The following GTF3C1 variants were observed in gnomAD, a reference collection of about 807,000 sequenced individuals.
GTF3C1 encodes general transcription factor IIIC subunit 1.
Under a neutral mutation model 226.7 loss-of-function variants are expected in GTF3C1, and 57 were observed. The observed-to-expected ratio is 0.25, with a 90% CI of 0.20 to 0.31. The LOEUF (loss-of-function observed/expected upper bound fraction) is 0.31, where lower values mean the gene tolerates loss of function less well. Among genes scored for constraint, GTF3C1 ranks in the 10% least tolerant of loss-of-function variants. The pLI is 1.00. For synonymous variants in GTF3C1, 1,090 were observed against 1,084.8 expected (o/e 1.00, Z -0.09); for missense variants, 2,217 against 2,776.1 (o/e 0.80, Z 4.53).
At chr16:27,511,986 C>T (rs878897468) in intron 6 of GTF3C1, 85 bp from the exon 7 acceptor site, 4 of 1,454,970 alleles carry the variant, frequency 2.7e-6, no homozygotes, top group South Asian at 1.2e-5. Flanking sequence ...TATCACAGCA[C>T]ATGTCAGCAG....
Position 27,497,654 on chromosome 16 carries a change from T to C in GTF3C1, c.2333A>G (p.Asn778Ser). 6.2e-7 allele frequency: 1 copy of C among 1,613,418 alleles called. No homozygotes were observed. The highest frequency in any genetic ancestry group is 8.5e-7 in the Non-Finnish European group (1 of 1,179,536). The change falls in exon 14 of 37, where the codon AAT becomes AGT. Residue 778 changes from asparagine (N) to serine (S), a missense_variant. By Grantham distance (46) the Asn-to-Ser change is conservative (BLOSUM62 1). Around this residue, in one of 12 missense-constraint regions of GTF3C1, gnomAD observed 100 missense variants for 139.9 expected, o/e 0.71. Coordinates refer to ENST00000356183, the MANE Select transcript of GTF3C1 (RefSeq NM_001520.4). ...DNKMGITPLRNYHPIVVPGLG... is the reference protein window; with the variant it reads ...DNKMGITPLRSYHPIVVPGLG... ...CAGCTTACCTACAATGGGGTGATAA[T>C]TTCTAAGCGGGGTTATGCCCATTTT...
intron 11 of GTF3C1, among the ~76,000 whole-genome samples, chr16:27,502,565 G>A (rs2088422347): frequency 6.6e-6 from 1 of 152,192 alleles, no homozygotes; most frequent in African/African-American, 2.4e-5. Flanking sequence ...GTAAGGAAAA[G>A]CTGAACGCAC....
chr16:27,527,921 C>A lies in GTF3C1; in HGVS notation c.973+677G>T, dbSNP rs145456982. On this transcript the variant is annotated intron_variant, in intron 6 of 36. Transcript: ENST00000356183. ...CCCAGGAAGTGGAGATTTCAGTGAG[C>A]TGAGATGATGCCACTGCACACCAGC... is the stretch of plus-strand genomic sequence containing the variant. Among the ~76,000 whole-genome samples the A allele has an allele frequency of 2.4e-3, 366 of 151,316 alleles. 2 individuals are homozygous for A. The highest frequency in any genetic ancestry group is 3.9e-3 in the Non-Finnish European group (262 of 67,912).
At chr16:27,478,851 CAAAAAA>C (rs770105315) in intron 27 of GTF3C1, among the ~76,000 whole-genome samples, 1 of 80,404 alleles carries the variant, frequency 1.2e-5, no homozygotes, top group Non-Finnish European at 2.6e-5. Flanking sequence ...TGTTACAATC[CAAAAAA>C]AAAAAAAAAG....
At chr16:27,538,007 A>C in intron 3 of GTF3C1, 80 bp from the exon 4 acceptor site, 1 of 1,472,914 alleles carries the variant, frequency 6.8e-7, no homozygotes, top group African/African-American at 1.4e-5. Flanking sequence ...GGACATAAAC[A>C]CCAGAGACAC....
At chr16:27,501,602 G>T (rs1302643639) in intron 11 of GTF3C1, among the ~76,000 whole-genome samples, 1 of 152,194 alleles carries the variant, frequency 6.6e-6, no homozygotes, top group Non-Finnish European at 1.5e-5. Flanking sequence ...AAGAGACTAC[G>T]ATTTGAGATC....
intron 12 of GTF3C1, 25 bp downstream of exon 12, chr16:27,501,166 G>A: frequency 6.3e-7 from 1 of 1,597,526 alleles, no homozygotes; most frequent in Non-Finnish European, 8.6e-7. Flanking sequence ...GGCTGGCTCT[G>A]GGCATCGGGG....
Position 27,461,797 on chromosome 16 carries a change from G to A in GTF3C1, c.6118-235C>T, listed in dbSNP as rs1297160925. ...GTACAGCGCTGGCTGGAGCCACCAC[G>A]CTGAATCTCATTTGTGGAGGAGAGG... On this transcript the variant is annotated intron_variant, in intron 36 of 36. Coordinates refer to ENST00000356183, the MANE Select transcript of GTF3C1 (RefSeq NM_001520.4). This position sits in a 1 kb window ranked among gnomAD's most constrained non-coding sequence, Gnocchi z 5.3. 2 of 545,200 alleles carry A rather than the reference G, an allele frequency of 3.7e-6. No individual in the cohort carries two copies. The highest frequency in any genetic ancestry group is 2.5e-5 in the South Asian group (1 of 39,858). 33.8% of individuals were successfully genotyped at this position (545,200 alleles called of 1,614,324 possible). A position where few individuals can be genotyped will look rare whatever the true frequency, so the allele number is the denominator to read the frequency against.
Position 27,472,029 on chromosome 16 carries a change from G to A in GTF3C1, c.4354-109C>T, listed in dbSNP as rs1438794748. 61 of 905,056 alleles carry A rather than the reference G, an allele frequency of 6.7e-5. No homozygotes were observed. In the East Asian group the frequency reaches 1.4e-3, roughly 21 times the overall value. The allele number at this position is 905,056 out of a possible 1,614,324, so 56.1% of individuals were successfully genotyped here. Reference sequence around the variant, plus strand: ...CTGATGCTTTATAGAGGAAGTGACCGATCGTGGGAGGCCCAGGCTGGCGTA... The same window carrying A: ...CTGATGCTTTATAGAGGAAGTGACCAATCGTGGGAGGCCCAGGCTGGCGTA... On this transcript the variant is annotated intron_variant, in intron 29 of 36. Coordinates refer to ENST00000356183, the MANE Select transcript of GTF3C1 (RefSeq NM_001520.4).
At chr16:27,520,298 A>G (rs767431909) in intron 6 of GTF3C1, among the ~76,000 whole-genome samples, 2 of 152,142 alleles carry the variant, frequency 1.3e-5, no homozygotes, top group Non-Finnish European at 2.9e-5. Flanking sequence ...TATTTTTAGT[A>G]GAGATGGGGT....
chr16:27,495,634 C>T, intron 14 of GTF3C1, 142 bp from the exon 15 acceptor site: 2 of 732,332 alleles, frequency 2.7e-6, no homozygotes, highest in Non-Finnish European at 4.4e-6. Flanking sequence ...AGCTTACTTT[C>T]TAATGGGCAA....
At chr16:27,496,597 G>T (rs2088320812) in intron 14 of GTF3C1, among the ~76,000 whole-genome samples, 1 of 152,096 alleles carries the variant, frequency 6.6e-6, no homozygotes, top group Admixed American at 6.5e-5. Context: ...GTAGAGGCAG[G>T]GTTTCACCAC....
chr16:27,463,382 T>C lies in GTF3C1; in HGVS notation c.5924+159A>G, dbSNP rs112537169. The C allele has an allele frequency of 5.4e-5, 36 of 663,652 alleles. No homozygotes were observed. The highest frequency in any genetic ancestry group is 5.2e-4 in the African/African-American group (29 of 55,410). The allele number at this position is 663,652 out of a possible 1,614,324, so 41.1% of individuals were successfully genotyped here. A position where few individuals can be genotyped will look rare whatever the true frequency, so the allele number is the denominator to read the frequency against. ...CTCAGCACGCCTGCTGCTCGCCCAC[T>C]GCGCCCCTCCAAGTACCCCTGCCAA... On this transcript the variant is annotated intron_variant, in intron 35 of 36. Coordinates refer to ENST00000356183, the MANE Select transcript of GTF3C1 (RefSeq NM_001520.4). This position sits in a 1 kb window ranked among gnomAD's most constrained non-coding sequence, Gnocchi z 4.9.
chr16:27,534,952 A>G (rs1369316529), intron 4 of GTF3C1, among the ~76,000 whole-genome samples: 2 of 152,094 alleles, frequency 1.3e-5, no homozygotes, highest in Non-Finnish European at 2.9e-5. Context: ...GACAAACTGT[A>G]TAACATTAGA....
intron 32 of GTF3C1, among the ~76,000 whole-genome samples, chr16:27,467,172 T>C (rs2087797445): frequency 2.6e-5 from 4 of 152,214 alleles, no homozygotes; most frequent in Admixed American, 2.6e-4. Context: ...AAGGCCTGGT[T>C]TCAAGGCTTC....
In GTF3C1 at chr16:27,531,661, AG is replaced by A. The variant is rs149130080; in HGVS notation, c.849+1629del. ...TCAATGAATAAGTGAAAGGCTGTCC[AG>A]TAACAGTCAAGGCTTGCTGCTAACA... On this transcript the variant is annotated intron_variant, in intron 5 of 36. Coordinates refer to ENST00000356183, the MANE Select transcript of GTF3C1 (RefSeq NM_001520.4). Among the ~76,000 whole-genome samples, 306 of 152,370 alleles carry A rather than the reference AG, an allele frequency of 2.0e-3. 3 individuals are homozygous for A. The highest frequency in any genetic ancestry group is 6.5e-3 in the African/African-American group (271 of 41,578).
intron 13 of GTF3C1, 123 bp downstream of exon 13, chr16:27,498,507 A>C: frequency 4.2e-6 from 3 of 712,552 alleles, no homozygotes; most frequent in Non-Finnish European, 7.7e-6. Flanking sequence ...TGAACCATGA[A>C]CTCCAAACCA....
intron 11 of GTF3C1, among the ~76,000 whole-genome samples, chr16:27,502,018 C>T (rs938694146): frequency 1.3e-5 from 2 of 151,970 alleles, no homozygotes; most frequent in South Asian, 2.1e-4. Flanking sequence ...TTGTTTGAAC[C>T]CAGGAGGCAG....
intron 19 of GTF3C1, among the ~76,000 whole-genome samples, chr16:27,491,739 A>C (rs1380334095): frequency 6.6e-6 from 1 of 151,590 alleles, no homozygotes; most frequent in Non-Finnish European, 1.5e-5. Context: ...GTGGACGGCC[A>C]CTCTCCTCCT....
Sources: allele counts gnomAD v4.1 joint callset (sites outside exome capture counted in the v4.1 genomes callset), GRCh38; gene constraint gnomAD v4.1.1; regional missense constraint gnomAD v4.1.1; non-coding constraint Gnocchi (gnomAD v3.1); transcripts MANE v1.5; gene names NCBI Gene and HGNC (gene_info 2026-07-23, HGNC 2026-07-21).